CNTN5: variants seen among roughly 807,000 people sequenced by gnomAD.
CNTN5 encodes contactin 5.
In CNTN5, 77 loss-of-function variants were observed where a neutral mutation model predicts 129.1. That is an observed-to-expected ratio of 0.60 (90% CI 0.50 to 0.72). The LOEUF is 0.72. Among genes scored for constraint, CNTN5 ranks in the 30% least tolerant of loss-of-function variants. The pLI is 0.00. For missense variants in CNTN5, 1,478 were observed against 1,328.8 expected (o/e 1.11, Z -1.75); for synonymous variants, 509 against 465.6 (o/e 1.09, Z -1.20).
At chr11:99,449,852 C>T (rs1944227026) in intron 2 of CNTN5, among the ~76,000 whole-genome samples, 1 of 152,180 alleles carries the variant, frequency 6.6e-6, no homozygotes, top group African/African-American at 2.4e-5. Context: ...TTGACTAAAG[C>T]AAGTCTGTTG....
chr11:99,870,224 A>C (rs1460555058), intron 6 of CNTN5, among the ~76,000 whole-genome samples: 1 of 152,144 alleles, frequency 6.6e-6, no homozygotes, highest in African/African-American at 2.4e-5. Flanking sequence ...AACTGAAGGC[A>C]AAAGGTATAC....
At chr11:99,562,174 A>T (rs1948864338) in intron 3 of CNTN5, among the ~76,000 whole-genome samples, 4 of 152,188 alleles carry the variant, frequency 2.6e-5, no homozygotes, top group Admixed American at 2.6e-4. Context: ...ATTGACTAAA[A>T]TCTGCATATC....
At chr11:99,125,349 A>G (rs2135418469) in intron 1 of CNTN5, among the ~76,000 whole-genome samples, 1 of 152,060 alleles carries the variant, frequency 6.6e-6, no homozygotes, top group South Asian at 2.1e-4. Context: ...AGAACTAAAA[A>G]AAAAACCAGA....
intron 1 of CNTN5, among the ~76,000 whole-genome samples, chr11:99,189,604 T>C (rs780105446): frequency 2.3e-4 from 35 of 151,838 alleles, no homozygotes; most frequent in Non-Finnish European, 4.7e-4. Flanking sequence ...GACGTGGTGG[T>C]GTTGATTTAC....
At chr11:100,288,727 A>T (rs1478185142) in intron 18 of CNTN5, among the ~76,000 whole-genome samples, 1 of 151,828 alleles carries the variant, frequency 6.6e-6, no homozygotes, top group Non-Finnish European at 1.5e-5. Context: ...ACACATTCAA[A>T]AGCTAGCAGA....
chr11:100,005,543 G>A (rs1315621391), intron 9 of CNTN5, among the ~76,000 whole-genome samples: 1 of 152,108 alleles, frequency 6.6e-6, no homozygotes, highest in Non-Finnish European at 1.5e-5. Context: ...GTTGGCAACA[G>A]CAAATCTCTA....
chr11:99,950,046 A>T (rs896720638), intron 7 of CNTN5, among the ~76,000 whole-genome samples: 2 of 152,246 alleles, frequency 1.3e-5, no homozygotes, highest in African/African-American at 4.8e-5. Flanking sequence ...AAAAAGAGAA[A>T]ATTATTACTT....
chr11:99,395,582 T>C (rs1467483205), intron 2 of CNTN5, among the ~76,000 whole-genome samples: 2 of 151,960 alleles, frequency 1.3e-5, no homozygotes, highest in African/African-American at 4.8e-5. Flanking sequence ...TTTGGTGCCA[T>C]TGCTTTTGGT....
chr11:99,085,789 A>G, intron 1 of CNTN5, among the ~76,000 whole-genome samples: 1 of 152,220 alleles, frequency 6.6e-6, no homozygotes, highest in South Asian at 2.1e-4. Context: ...CCTCATACAT[A>G]TAGGAAGGTG....
Position 99,950,332 on chromosome 11 carries a change from T to A in CNTN5, c.674-6474T>A, listed in dbSNP as rs555818996. On this transcript the variant is annotated intron_variant, in intron 7 of 24. Coordinates refer to ENST00000524871, the MANE Select transcript of CNTN5 (RefSeq NM_014361.4). The stretch of plus-strand genomic sequence containing the variant: ...TCTCTACTAAAAATACAAAAAAAAA[T>A]TAGCCAGGTGTGGTGGTGGGCGCCT... 1.8e-4 allele frequency among the ~76,000 whole-genome samples: 28 copies of A among 151,700 alleles called. No homozygotes were observed. In the East Asian group the frequency reaches 4.9e-3, roughly 26 times the overall value.
At chr11:99,582,796 G>A (rs568934542) in intron 3 of CNTN5, among the ~76,000 whole-genome samples, 158 of 152,214 alleles carry the variant, frequency 1.0e-3, no homozygotes, top group African/African-American at 3.7e-3. Context: ...AGAGTAGTTT[G>A]ATCTTCTGAA....
chr11:100,333,836 C>G (rs1186949908), intron 21 of CNTN5, among the ~76,000 whole-genome samples: 1 of 151,978 alleles, frequency 6.6e-6, no homozygotes, highest in Non-Finnish European at 1.5e-5. Flanking sequence ...AGATTCTAGA[C>G]TATCACCTCA....
At chr11:99,182,942 A>G (rs1472602117) in intron 1 of CNTN5, among the ~76,000 whole-genome samples, 2 of 148,874 alleles carry the variant, frequency 1.3e-5, no homozygotes, top group African/African-American at 2.4e-5. Context: ...CTAATCATTA[A>G]TAGTTTATTA....
chr11:99,082,889 A>G (rs1221283887), intron 1 of CNTN5, among the ~76,000 whole-genome samples: 1 of 152,194 alleles, frequency 6.6e-6, no homozygotes, highest in Non-Finnish European at 1.5e-5. Flanking sequence ...TCACGTAAGT[A>G]AAGTACATTT....
chr11:99,368,980 CA>C (rs561555860), intron 2 of CNTN5, among the ~76,000 whole-genome samples: 229 of 151,766 alleles, frequency 1.5e-3, no homozygotes, highest in Non-Finnish European at 1.8e-3. Context: ...CCACAATTGG[CA>C]AAAGTTTTTG....
intron 9 of CNTN5, among the ~76,000 whole-genome samples, chr11:100,004,316 G>T (rs1264634252): frequency 2.0e-5 from 3 of 151,942 alleles, no homozygotes; most frequent in Non-Finnish European, 4.4e-5. Context: ...TTGTCTTGTG[G>T]CCTTTGCACT....
At chr11:100,258,857 A>G (rs1000284467) in intron 17 of CNTN5, among the ~76,000 whole-genome samples, 1 of 152,234 alleles carries the variant, frequency 6.6e-6, no homozygotes, top group Non-Finnish European at 1.5e-5. Flanking sequence ...AATTGTAAAG[A>G]CCATCAACAC....
rs930431539 is a variant in CNTN5, at chr11:100,357,913, A to G, written c.*1693A>G. 1 of 151,834 alleles carries G rather than the reference A, an allele frequency of 6.6e-6. No homozygotes were observed. Among genetic ancestry groups the G allele is most frequent in the African/African-American group, 2.4e-5 (1 of 41,404 alleles). The allele number at this position is 151,834 out of a possible 1,614,324, so 9.4% of individuals were successfully genotyped here. On this transcript the variant is annotated 3_prime_UTR_variant, in exon 25 of 25. Coordinates refer to ENST00000524871, the MANE Select transcript of CNTN5 (RefSeq NM_014361.4). ...ACCCTAAACAAACAAGAAATTAGTT[A>G]AAAGACTCACTCAATGATATTATAG... is the stretch of plus-strand genomic sequence containing the variant.
intron 3 of CNTN5, among the ~76,000 whole-genome samples, chr11:99,691,982 T>C (rs370559395): frequency 6.6e-6 from 1 of 152,174 alleles, no homozygotes; most frequent in African/African-American, 2.4e-5. Context: ...ATTGAACCCT[T>C]TACCATTTGT....
Sources: allele counts gnomAD v4.1 joint callset (sites outside exome capture counted in the v4.1 genomes callset), GRCh38; gene constraint gnomAD v4.1.1; transcripts MANE v1.5; gene names NCBI Gene and HGNC (gene_info 2026-07-23, HGNC 2026-07-21).